Variants in ALK observed in about 807,000 individuals in gnomAD.
ALK encodes the protein ALK tyrosine kinase receptor.
ALK carries 74 observed loss-of-function variants against 163.1 expected under a neutral mutation model. The observed-to-expected ratio is 0.45, with a 90% confidence interval of 0.38 to 0.55. The LOEUF is 0.55. Among genes scored for constraint, ALK ranks in the 20% least tolerant of loss-of-function variants. The pLI is 0.00. For missense variants in ALK, 2,063 were observed against 2,105.3 expected, an observed-to-expected ratio of 0.98 and a Z score of 0.39; for synonymous variants, 960 against 843.2, an observed-to-expected ratio of 1.14 and a Z score of -2.40.
chr2:29,841,952 G>A (rs1437675547), intron 1 of ALK, among the ~76,000 whole-genome samples: 2 of 151,902 alleles, frequency 1.3e-5, no homozygotes, highest in Admixed American at 1.3e-4. Flanking sequence ...GGCTATGCAG[G>A]TCCCTCCTGA....
intron 2 of ALK, among the ~76,000 whole-genome samples, chr2:29,705,975 C>T (rs1036652493): frequency 1.3e-5 from 2 of 152,132 alleles, no homozygotes; most frequent in East Asian, 1.9e-4. Flanking sequence ...GGTGGAGAAA[C>T]GTGTGCTCCT....
chr2:29,260,436 T>A lies in ALK; in HGVS notation c.2042-9169A>T, dbSNP rs1049935913. Among the ~76,000 whole-genome samples the A allele has an allele frequency of 3.9e-5, 6 of 152,348 alleles. No individual in the cohort carries two copies. The South Asian group carries it at 1.2e-3, about 32-fold the overall frequency. On this transcript the variant is annotated intron_variant, in intron 11 of 28. Coordinates refer to ENST00000389048, the MANE Select transcript of ALK (RefSeq NM_004304.5). ...ATGATATTTGATCTTGATGCTCTTC[T>A]GTTATGTATTTTTATGTGAGATTAG... is the stretch of plus-strand genomic sequence containing the variant.
At chr2:29,604,569 A>T (rs1675486159) in intron 3 of ALK, among the ~76,000 whole-genome samples, 1 of 152,202 alleles carries the variant, frequency 6.6e-6, no homozygotes, top group South Asian at 2.1e-4. Context: ...AGGACATGGG[A>T]TAAAAGATGC....
chr2:29,834,379 C>T (rs1665502504), intron 1 of ALK, among the ~76,000 whole-genome samples: 1 of 152,126 alleles, frequency 6.6e-6, no homozygotes, highest in Non-Finnish European at 1.5e-5. Flanking sequence ...CATCAATTTT[C>T]TCAACTGATT....
chr2:29,711,423 G>A (rs1679098106), intron 2 of ALK, among the ~76,000 whole-genome samples: 1 of 152,150 alleles, frequency 6.6e-6, no homozygotes. Flanking sequence ...CTGGGCCTCT[G>A]TTACTGCATT....
intron 26 of ALK, among the ~76,000 whole-genome samples, chr2:29,199,626 A>G (rs1352529611): frequency 6.6e-6 from 1 of 152,188 alleles, no homozygotes; most frequent in Non-Finnish European, 1.5e-5. Context: ...TTGCATTGAT[A>G]CCATTCTATT....
At chr2:29,361,284 C>T (rs1410653971) in intron 5 of ALK, among the ~76,000 whole-genome samples, 2 of 152,176 alleles carry the variant, frequency 1.3e-5, no homozygotes, top group Non-Finnish European at 1.5e-5. Flanking sequence ...GAAAAACAGC[C>T]GTTTGGGTAA....
chr2:29,247,567 G>A (rs1364454857), intron 12 of ALK, among the ~76,000 whole-genome samples: 1 of 152,234 alleles, frequency 6.6e-6, no homozygotes, highest in Non-Finnish European at 1.5e-5. Context: ...CTCTTTCTGG[G>A]CCTCTTCCTT....
intron 3 of ALK, among the ~76,000 whole-genome samples, chr2:29,588,679 A>G (rs1674961031): frequency 6.6e-6 from 1 of 152,242 alleles, no homozygotes; most frequent in Non-Finnish European, 1.5e-5. Context: ...GCTTTGTTGC[A>G]ACTACTTAAC....
intron 23 of ALK, among the ~76,000 whole-genome samples, chr2:29,217,745 G>A (rs1029411263): frequency 6.6e-6 from 1 of 152,196 alleles, no homozygotes; most frequent in Non-Finnish European, 1.5e-5. Flanking sequence ...CCTGCACACA[G>A]TAGGTCATCA....
intron 3 of ALK, among the ~76,000 whole-genome samples, chr2:29,669,599 G>T (rs1677620804): frequency 6.6e-6 from 1 of 151,884 alleles, no homozygotes; most frequent in Admixed American, 6.6e-5. Context: ...TTTACATTTA[G>T]TGTTATTATT....
chr2:29,498,637 G>A (rs775549819), intron 4 of ALK, among the ~76,000 whole-genome samples: 17 of 152,198 alleles, frequency 1.1e-4, no homozygotes, highest in Non-Finnish European at 2.1e-4. Flanking sequence ...GCCAAGCCAT[G>A]GCCTTTTGCT....
intron 7 of ALK, chr2:29,318,991 C>T (rs2148249077): frequency 6.4e-6 from 1 of 156,930 alleles, no homozygotes; most frequent in South Asian, 1.9e-4. Context: ...ACTGGCCTCC[C>T]CAGCTCCACC....
At chr2:29,884,361 T>A (rs890203219) in intron 1 of ALK, among the ~76,000 whole-genome samples, 1 of 152,116 alleles carries the variant, frequency 6.6e-6, no homozygotes, top group African/African-American at 2.4e-5. Context: ...AGAAAAGTCA[T>A]GACGTTACAA....
At chr2:29,658,974 A>T (rs1677270701) in intron 3 of ALK, among the ~76,000 whole-genome samples, 1 of 152,100 alleles carries the variant, frequency 6.6e-6, no homozygotes. Context: ...GAAAAAATCA[A>T]ATTGGGAGAG....
intron 1 of ALK, among the ~76,000 whole-genome samples, chr2:29,755,272 G>C (rs956894729): frequency 6.6e-6 from 1 of 152,210 alleles, no homozygotes; most frequent in Non-Finnish European, 1.5e-5. Flanking sequence ...AGTCCCTGCC[G>C]GTGAATGGCC....
chr2:29,219,468 G>GCTGT (rs1323944798), intron 23 of ALK, among the ~76,000 whole-genome samples: 1 of 152,190 alleles, frequency 6.6e-6, no homozygotes, highest in African/African-American at 2.4e-5. Context: ...GGAACCACTG[G>GCTGT]CTGTCAGTCT....
At chr2:29,421,513 A>G (rs1670016083) in intron 4 of ALK, among the ~76,000 whole-genome samples, 1 of 151,566 alleles carries the variant, frequency 6.6e-6, no homozygotes, top group Non-Finnish European at 1.5e-5. Context: ...TTGGAAAGCC[A>G]TTTGATCTCT....
intron 1 of ALK, among the ~76,000 whole-genome samples, chr2:29,889,571 G>A (rs575819715): frequency 6.6e-6 from 1 of 152,014 alleles, no homozygotes; most frequent in Non-Finnish European, 1.5e-5. Flanking sequence ...GAAAGTGACA[G>A]CCGAGAGAAA....
Sources: gnomAD v4.1 joint callset for allele counts (sites outside exome capture counted in the v4.1 genomes callset) on GRCh38, gnomAD v4.1.1 for gene constraint, MANE v1.5 for transcripts, NCBI Gene and HGNC (gene_info 2026-07-23, HGNC 2026-07-21) for gene names.